The following SCFD2 variants were observed in gnomAD, a reference collection of about 807,000 sequenced individuals.
SCFD2 encodes the protein sec1 family domain-containing protein 2.
SCFD2 carries 54 observed loss-of-function variants against 58.9 expected under a neutral mutation model. The observed-to-expected ratio is 0.92, with a 90% confidence interval of 0.74 to 1.15. SCFD2 has a LOEUF of 1.15. Among genes scored for constraint, SCFD2 ranks in the 50% most tolerant of loss-of-function variants. SCFD2 has a pLI of 0.00. For missense variants in SCFD2, 805 were observed against 836.6 expected (o/e 0.96, Z 0.47); for synonymous variants, 321 against 335.9 (o/e 0.96, Z 0.49).
chr4:53,032,938 G>T (rs1352887585), intron 5 of SCFD2, among the ~76,000 whole-genome samples: 1 of 152,092 alleles, frequency 6.6e-6, no homozygotes, highest in East Asian at 1.9e-4. Flanking sequence ...GGATATTCAG[G>T]ACTTGGACTC....
intron 5 of SCFD2, chr4:52,956,068 C>T (rs1266122391): frequency 2.2e-6 from 1 of 456,676 alleles, no homozygotes; most frequent in South Asian, 1.5e-5. Context: ...GTCCCACTCT[C>T]CCTCCCAGCT....
At chr4:53,228,370 G>C (rs575058299) in intron 4 of SCFD2, among the ~76,000 whole-genome samples, 22 of 152,248 alleles carry the variant, frequency 1.4e-4, no homozygotes, top group African/African-American at 5.1e-4. Flanking sequence ...AGAGACATGA[G>C]CAGCTATAGT....
chr4:52,921,696 A>G (rs945854125), intron 5 of SCFD2, among the ~76,000 whole-genome samples: 1 of 152,106 alleles, frequency 6.6e-6, no homozygotes, highest in South Asian at 2.1e-4. Context: ...GCCCATACCC[A>G]CTCGGTCACC....
At chr4:53,188,717 A>G (rs956465734) in intron 4 of SCFD2, among the ~76,000 whole-genome samples, 2 of 152,172 alleles carry the variant, frequency 1.3e-5, no homozygotes, top group East Asian at 1.9e-4. Flanking sequence ...TTCAAAACCA[A>G]TGAGAGAATA....
intron 5 of SCFD2, among the ~76,000 whole-genome samples, chr4:53,086,165 G>A (rs537205627): frequency 2.0e-5 from 3 of 152,088 alleles, no homozygotes; most frequent in Non-Finnish European, 2.9e-5. Context: ...TATACGAGGA[G>A]CTCGAACAAT....
intron 3 of SCFD2, among the ~76,000 whole-genome samples, chr4:53,292,461 T>C (rs74803451): frequency 6.6e-6 from 1 of 152,148 alleles, no homozygotes; most frequent in East Asian, 1.9e-4. Context: ...AAGCTCATCA[T>C]CACTGATTAT....
chr4:53,072,414 G>A (rs1469247191), intron 5 of SCFD2, among the ~76,000 whole-genome samples: 2 of 152,082 alleles, frequency 1.3e-5, no homozygotes, highest in Non-Finnish European at 2.9e-5. Context: ...AGCTTGCACA[G>A]GTGAAGGTTA....
chr4:53,227,087 A>T (rs1729241005), intron 4 of SCFD2, among the ~76,000 whole-genome samples: 1 of 152,202 alleles, frequency 6.6e-6, no homozygotes, highest in African/African-American at 2.4e-5. Flanking sequence ...AGATGGAAAG[A>T]TGGCCAGTAT....
chr4:53,357,424 G>T lies in SCFD2; in HGVS notation c.839-4658C>A, dbSNP rs185027083. On this transcript the variant is annotated intron_variant, in intron 1 of 8. Transcript: ENST00000401642. ...AGCCTGGGCAATAGTGCAAGACTCT[G>T]TCTCAAAAAAAAAAAGGAATTATTT... Among the ~76,000 whole-genome samples, 323 of 144,828 alleles carry T rather than the reference G, an allele frequency of 2.2e-3. 1 individual carries two copies. The highest frequency in any genetic ancestry group is 4.6e-3 in the South Asian group (20 of 4,308).
chr4:53,150,841 G>A (rs1330962482), intron 4 of SCFD2, among the ~76,000 whole-genome samples: 1 of 152,132 alleles, frequency 6.6e-6, no homozygotes, highest in African/African-American at 2.4e-5. Context: ...CCCCATAACA[G>A]GATAGTCTTT....
intron 5 of SCFD2, among the ~76,000 whole-genome samples, chr4:52,998,442 C>T (rs189367412): frequency 6.6e-6 from 1 of 152,312 alleles, no homozygotes; most frequent in African/African-American, 2.4e-5. Context: ...CATATTCAGC[C>T]GTCAGAGTAT....
In SCFD2 at chr4:53,070,131, C is replaced by T. The variant is rs1385846329; in HGVS notation, c.1561+75202G>A. On this transcript the variant is annotated intron_variant, in intron 5 of 8. Transcript: ENST00000401642. ...AACCACTTATAGCTACAAATTTCTG[C>T]ATCAGCAAAGAAAACTATGCACAAT... Among the ~76,000 whole-genome samples the T allele has an allele frequency of 3.9e-5, 6 of 151,940 alleles. No individual in the cohort carries two copies. The East Asian group carries it at 1.2e-3, about 29-fold the overall frequency.
At chr4:53,033,639 C>T (rs1242232988) in intron 5 of SCFD2, among the ~76,000 whole-genome samples, 1 of 152,118 alleles carries the variant, frequency 6.6e-6, no homozygotes, top group African/African-American at 2.4e-5. Context: ...TAGGGGATAT[C>T]ACCACTGATC....
intron 1 of SCFD2, among the ~76,000 whole-genome samples, chr4:53,357,270 T>C (rs1187457737): frequency 6.6e-6 from 1 of 151,632 alleles, no homozygotes; most frequent in East Asian, 1.9e-4. Context: ...AAAAAATATA[T>C]ATATATAAAT....
intron 2 of SCFD2, among the ~76,000 whole-genome samples, chr4:53,324,361 T>G (rs1560446966): frequency 7.1e-6 from 1 of 140,044 alleles, no homozygotes; most frequent in Non-Finnish European, 1.5e-5. Flanking sequence ...GAGGCTACAA[T>G]GAGCTATGAT....
intron 4 of SCFD2, among the ~76,000 whole-genome samples, chr4:53,201,437 G>A (rs1404084644): frequency 7.9e-5 from 12 of 152,078 alleles, no homozygotes; most frequent in Non-Finnish European, 1.8e-4. Flanking sequence ...TTGGACATTT[G>A]GGATGGTTTC....
intron 5 of SCFD2, among the ~76,000 whole-genome samples, chr4:53,081,765 C>T (rs1724155159): frequency 6.6e-6 from 1 of 152,132 alleles, no homozygotes; most frequent in Non-Finnish European, 1.5e-5. Context: ...TCATGACTAT[C>T]TAATTCCAGA....
intron 4 of SCFD2, among the ~76,000 whole-genome samples, chr4:53,241,064 A>G (rs1729877404): frequency 6.6e-6 from 1 of 152,232 alleles, no homozygotes; most frequent in Non-Finnish European, 1.5e-5. Context: ...TACCAGCACC[A>G]GGACTTATTT....
Position 53,366,047 on chromosome 4 carries a change from A to T in SCFD2, c.-106T>A. ...GAGACTTTGACAGTCTCCACAGTAC[A>T]CGTGGTCGGCCTCTGACACGCTCCC... On this transcript the variant is annotated 5_prime_UTR_variant, in exon 1 of 9. Coordinates refer to ENST00000401642, the MANE Select transcript of SCFD2 (RefSeq NM_152540.4). The T allele has an allele frequency of 7.5e-7, 1 of 1,336,908 alleles. No individual in the cohort carries two copies. The highest frequency in any genetic ancestry group is 1.0e-6 in the Non-Finnish European group (1 of 991,242). The allele number at this position is 1,336,908 out of a possible 1,614,324, so 82.8% of individuals were successfully genotyped here. A position where few individuals can be genotyped will look rare whatever the true frequency, so the allele number is the denominator to read the frequency against.
Sources: allele counts gnomAD v4.1 joint callset (sites outside exome capture counted in the v4.1 genomes callset), GRCh38; gene constraint gnomAD v4.1.1; transcripts MANE v1.5; gene names NCBI Gene and HGNC (gene_info 2026-07-23, HGNC 2026-07-21).